The following PRKCH variants were observed in gnomAD, a reference collection of about 807,000 sequenced individuals.
PRKCH encodes the protein protein kinase C eta type.
A neutral mutation model predicts 82.5 loss-of-function variants in PRKCH; 28 were observed. That is an observed-to-expected ratio of 0.34 (90% CI 0.25 to 0.47). PRKCH has a LOEUF of 0.47. Ranked by LOEUF, PRKCH falls within the 20% of genes least tolerant of loss-of-function variation. The pLI, the probability that PRKCH is intolerant of heterozygous loss-of-function variation, is 1.00. For synonymous variants in PRKCH, 322 were observed against 327.4 expected (o/e 0.98, Z 0.18); for missense variants, 705 against 881.8 (o/e 0.80, Z 2.54).
intron 1 of PRKCH, among the ~76,000 whole-genome samples, chr14:61,250,374 G>T (rs562402025): frequency 6.5e-4 from 99 of 152,202 alleles, no homozygotes; most frequent in Middle Eastern, 3.4e-3. Flanking sequence ...ATAAACCACA[G>T]TACATTCCGA....
At chr14:61,216,392 G>A (rs1056152220) in intron 1 of PRKCH, among the ~76,000 whole-genome samples, 20 of 151,868 alleles carry the variant, frequency 1.3e-4, no homozygotes, top group African/African-American at 3.6e-4. Flanking sequence ...TTGAACCAGG[G>A]TGGGGTTGGT....
At chr14:61,472,591 C>G (rs1428504871) in intron 9 of PRKCH, among the ~76,000 whole-genome samples, 1 of 152,014 alleles carries the variant, frequency 6.6e-6, no homozygotes, top group Non-Finnish European at 1.5e-5. Context: ...ATGTGGATAC[C>G]TTACCAGAGG....
intron 1 of PRKCH, among the ~76,000 whole-genome samples, chr14:61,191,265 A>G (rs1414326317): frequency 1.3e-5 from 2 of 152,224 alleles, no homozygotes; most frequent in Non-Finnish European, 2.9e-5. Flanking sequence ...TATGTATTCT[A>G]CACTTACACT....
chr14:61,409,882 G>A (rs1882179823), intron 2 of PRKCH, among the ~76,000 whole-genome samples: 2 of 152,146 alleles, frequency 1.3e-5, no homozygotes, highest in Non-Finnish European at 2.9e-5. Context: ...CATTGCCCCT[G>A]TCGTCTGCCT....
rs1446088862 is a variant in PRKCH at position 61,280,579 on chromosome 14, G to C, written c.-19+92911G>C. The stretch of plus-strand genomic sequence containing the variant: ...CCAGGCGATGCCGGAGCGGTCGAGC[G>C]GCACCTCGACGTAGGGCCCGCCGGG... On this transcript the variant is annotated intron_variant, in intron 1 of 3. Coordinates refer to the PRKCH transcript ENST00000555185. This position sits in a 1 kb window ranked among gnomAD's most constrained non-coding sequence, Gnocchi z 5.0. The C allele has an allele frequency of 2.5e-6, 4 of 1,602,038 alleles. No individual in the cohort carries two copies. The highest frequency in any genetic ancestry group is 3.4e-6 in the Non-Finnish European group (4 of 1,174,822).
Position 61,321,832 on chromosome 14 carries a change from G to A in PRKCH, c.-270G>A, listed in dbSNP as rs940923963. 20 of 353,756 alleles carry A rather than the reference G, an allele frequency of 5.7e-5. No homozygotes were observed. Among genetic ancestry groups the A allele is most frequent in the Non-Finnish European group, 8.4e-5 (16 of 191,046 alleles). The allele number at this position is 353,756 out of a possible 1,614,324, so 21.9% of individuals were successfully genotyped here. The stretch of plus-strand genomic sequence containing the variant: ...CCTGCGCGAGTCCCCGGGAGGCGCC[G>A]CGCGCTTGGAAGGGACGGTCGGGCT... On this transcript the variant is annotated 5_prime_UTR_variant, in exon 1 of 14. Transcript: ENST00000332981. This position sits in a 1 kb window ranked among gnomAD's most constrained non-coding sequence, Gnocchi z 4.1.
chr14:61,191,270 T>TA (rs1357421319), intron 1 of PRKCH, among the ~76,000 whole-genome samples: 1 of 152,218 alleles, frequency 6.6e-6, no homozygotes, highest in Non-Finnish European at 1.5e-5. Flanking sequence ...ATTCTACACT[T>TA]ACACTGACTG....
At position 61,535,166 on chromosome 14, in the gene PRKCH, A is replaced by T. The variant is rs577389774; in HGVS notation, c.1761+4571A>T. On this transcript the variant is annotated intron_variant, in intron 12 of 13. Coordinates refer to ENST00000332981, the MANE Select transcript of PRKCH (RefSeq NM_006255.5). Reference sequence around the variant, plus strand: ...TTATTTATATAATAGGCTTATATCAATGCATATGTGCATAGCAGGCATGGG... The same window carrying T: ...TTATTTATATAATAGGCTTATATCATTGCATATGTGCATAGCAGGCATGGG... Among the ~76,000 whole-genome samples the T allele has an allele frequency of 5.3e-5, 8 of 152,362 alleles. No homozygotes were observed. The East Asian group carries it at 1.5e-3, about 29-fold the overall frequency.
At chr14:61,216,715 T>C (rs1044576783) in intron 1 of PRKCH, among the ~76,000 whole-genome samples, 1 of 152,176 alleles carries the variant, frequency 6.6e-6, no homozygotes, top group Non-Finnish European at 1.5e-5. Context: ...GTTCTTGAGA[T>C]GTTGTCATGT....
chr14:61,410,860 C>CCTGG (rs1326413645), intron 2 of PRKCH, among the ~76,000 whole-genome samples: 5 of 152,230 alleles, frequency 3.3e-5, no homozygotes, highest in African/African-American at 4.8e-5. Context: ...GACCAGTGTG[C>CCTGG]CTGGCTAATT....
At chr14:61,489,602 G>A (rs1374217676) in intron 10 of PRKCH, among the ~76,000 whole-genome samples, 1 of 152,214 alleles carries the variant, frequency 6.6e-6, no homozygotes, top group Non-Finnish European at 1.5e-5. Flanking sequence ...TCTGGAACCT[G>A]CCATGGCCCA....
upstream of PRKCH, among the ~76,000 whole-genome samples, chr14:61,319,679 T>G (rs1389641259): frequency 3.9e-5 from 6 of 152,180 alleles, no homozygotes; most frequent in African/African-American, 1.2e-4. Flanking sequence ...AAGCTAGAGT[T>G]CAGCTGTTTG....
chr14:61,335,952 C>T (rs1357922850), intron 1 of PRKCH, among the ~76,000 whole-genome samples: 1 of 152,196 alleles, frequency 6.6e-6, no homozygotes, highest in African/African-American at 2.4e-5. Context: ...TTCAGCTATT[C>T]ATTCTGCCTC....
chr14:61,387,676 A>C (rs867810150), intron 1 of PRKCH, among the ~76,000 whole-genome samples: 1 of 152,210 alleles, frequency 6.6e-6, no homozygotes, highest in Non-Finnish European at 1.5e-5. Context: ...TAACCTCCAA[A>C]GCCACATTTT....
At chr14:61,441,393 T>G (rs1957894) in intron 2 of PRKCH, among the ~76,000 whole-genome samples, 112,079 of 152,098 alleles carry the variant, frequency 0.74, 46,087 homozygotes, top group Non-Finnish European at 0.91. Context: ...TTTATACTCC[T>G]ACTGACAGGA....
chr14:61,510,859 C>G (rs1038234301), intron 10 of PRKCH, among the ~76,000 whole-genome samples: 1 of 152,072 alleles, frequency 6.6e-6, no homozygotes, highest in Non-Finnish European at 1.5e-5. Context: ...AGTCAGATGT[C>G]TTGAGAAAGG....
chr14:61,240,075 C>T (rs1486220061), intron 1 of PRKCH, among the ~76,000 whole-genome samples: 1 of 152,216 alleles, frequency 6.6e-6, no homozygotes, highest in Non-Finnish European at 1.5e-5. Flanking sequence ...GAGTGCAACA[C>T]AGCTACTGCC....
intron 1 of PRKCH, among the ~76,000 whole-genome samples, chr14:61,293,283 C>T (rs943172866): frequency 6.6e-6 from 1 of 152,210 alleles, no homozygotes; most frequent in Non-Finnish European, 1.5e-5. Context: ...TTAACCTCAT[C>T]TCAAATGACC....
At chr14:61,249,119 A>G (rs2140071715) in intron 1 of PRKCH, among the ~76,000 whole-genome samples, 1 of 152,234 alleles carries the variant, frequency 6.6e-6, no homozygotes, top group East Asian at 1.9e-4. Flanking sequence ...TTCAATTTAT[A>G]TGGACAACAA....
Sources: gnomAD v4.1 joint callset for allele counts (sites outside exome capture counted in the v4.1 genomes callset) on GRCh38, gnomAD v4.1.1 for gene constraint, Gnocchi (gnomAD v3.1) non-coding constraint, MANE v1.5 for transcripts, NCBI Gene and HGNC (gene_info 2026-07-23, HGNC 2026-07-21) for gene names.